The following SGK3 variants were observed in gnomAD, a reference collection of about 807,000 sequenced individuals.
SGK3 encodes serine/threonine-protein kinase Sgk3.
Under a neutral mutation model 68.5 loss-of-function variants are expected in SGK3, and 47 were observed. The ratio of observed to expected loss-of-function variants is 0.69; its 90% CI spans 0.54 to 0.87. The LOEUF is 0.87. Ranked by LOEUF, SGK3 falls within the 40% of genes least tolerant of loss-of-function variation. The probability of loss-of-function intolerance (pLI) is 0.00; values close to 1 mark genes in which losing one functional copy is unlikely to be tolerated. For synonymous variants in SGK3, 181 were observed against 189.1 expected, an observed-to-expected ratio of 0.96 and a Z score of 0.35; for missense variants, 479 against 575.5, an observed-to-expected ratio of 0.83 and a Z score of 1.72.
intron 3 of SGK3, among the ~76,000 whole-genome samples, chr8:66,799,754 T>C (rs1450320489): frequency 6.6e-6 from 1 of 152,182 alleles, no homozygotes; most frequent in Non-Finnish European, 1.5e-5. Flanking sequence ...CTCAAGTAGC[T>C]GGGATTACAG....
intron 6 of SGK3, among the ~76,000 whole-genome samples, chr8:66,824,746 A>G (rs1808982850): frequency 6.6e-6 from 1 of 152,230 alleles, no homozygotes; most frequent in African/African-American, 2.4e-5. Context: ...TATACATTTT[A>G]AATTATTTTT....
At chr8:66,747,264 C>T (rs1005104340) in intron 1 of SGK3, among the ~76,000 whole-genome samples, 2 of 151,998 alleles carry the variant, frequency 1.3e-5, no homozygotes, top group African/African-American at 2.4e-5. Flanking sequence ...ACTTTTATTC[C>T]CTAACCTCAT....
intron 1 of SGK3, among the ~76,000 whole-genome samples, chr8:66,732,347 G>A (rs886376396): frequency 2.0e-5 from 3 of 152,056 alleles, no homozygotes; most frequent in Non-Finnish European, 4.4e-5. Flanking sequence ...GCTTAGCTGG[G>A]CATGCTGGTG....
chr8:66,821,179 CG>C (rs550378844), intron 5 of SGK3, among the ~76,000 whole-genome samples: 23 of 152,010 alleles, frequency 1.5e-4, no homozygotes, highest in Non-Finnish European at 2.6e-4. Flanking sequence ...AATTTTAGTC[CG>C]TTTTTTTCTC....
At chr8:66,844,583 G>A (rs934170087) in intron 14 of SGK3, among the ~76,000 whole-genome samples, 1 of 152,318 alleles carries the variant, frequency 6.6e-6, no homozygotes, top group South Asian at 2.1e-4. Flanking sequence ...TTTTTGACAT[G>A]TTTAGAAATA....
At chr8:66,743,719 A>C (rs916991621) in intron 1 of SGK3, among the ~76,000 whole-genome samples, 1 of 152,152 alleles carries the variant, frequency 6.6e-6, no homozygotes, top group Admixed American at 6.5e-5. Context: ...ACAGGGTTTC[A>C]CCCTATTGGC....
At chr8:66,850,686 A>G (rs1397449277) in intron 15 of SGK3, 145 bp from the exon 16 acceptor site, 1 of 736,620 alleles carries the variant, frequency 1.4e-6, no homozygotes, top group Admixed American at 3.1e-5. Flanking sequence ...GAATAACATC[A>G]TTTTGCCACA....
chr8:66,831,359 T>C (rs764197599), intron 8 of SGK3, 48 bp downstream of exon 8: 1 of 1,606,558 alleles, frequency 6.2e-7, no homozygotes, highest in Admixed American at 1.7e-5. Flanking sequence ...TTTGGTTTTT[T>C]TTTTGGAGAC....
intron 4 of SGK3, among the ~76,000 whole-genome samples, chr8:66,805,303 A>G (rs1478326408): frequency 6.6e-6 from 1 of 151,948 alleles, no homozygotes; most frequent in Non-Finnish European, 1.5e-5. Flanking sequence ...GTGGATCACA[A>G]GGTCAGGAGA....
chr8:66,717,684 G>C (rs1804676949), intron 1 of SGK3, among the ~76,000 whole-genome samples: 1 of 152,026 alleles, frequency 6.6e-6, no homozygotes. Flanking sequence ...TACTATTCTA[G>C]TTCTGTTTTT....
At chr8:66,801,415 A>T (rs956918110) in intron 3 of SGK3, among the ~76,000 whole-genome samples, 1 of 152,212 alleles carries the variant, frequency 6.6e-6, no homozygotes, top group Non-Finnish European at 1.5e-5. Flanking sequence ...GTACATGGAA[A>T]TATCTTTCAT....
chr8:66,796,124 A>G (rs1017557063), intron 2 of SGK3, among the ~76,000 whole-genome samples: 17 of 151,486 alleles, frequency 1.1e-4, no homozygotes, highest in African/African-American at 4.1e-4. Flanking sequence ...CATGTTATCG[A>G]TAATATTTTT....
chr8:66,719,074 C>T lies in SGK3; in HGVS notation c.-122+6241C>T, dbSNP rs1052878178. Among the ~76,000 whole-genome samples, 3 of 151,862 alleles carry T rather than the reference C, an allele frequency of 2.0e-5. No homozygotes were observed. In the East Asian group the frequency reaches 5.8e-4, roughly 29 times the overall value. ...CCTAGGTGACAGATTGAGACCCTAT[C>T]CCCCCCAATAAAAAAGTATGTATGC... is the stretch of plus-strand genomic sequence containing the variant. On this transcript the variant is annotated intron_variant, in intron 1 of 16. Transcript: ENST00000521198.
chr8:66,794,086 A>T (rs1029661973), intron 2 of SGK3, among the ~76,000 whole-genome samples: 2 of 152,212 alleles, frequency 1.3e-5, no homozygotes, highest in African/African-American at 4.8e-5. Flanking sequence ...CTTAACAGAA[A>T]ATGTGCATGT....
chr8:66,737,014 GGGCTCCTCTTGTTTTGGCCTC>G (rs1805337209), intron 1 of SGK3, among the ~76,000 whole-genome samples: 1 of 151,958 alleles, frequency 6.6e-6, no homozygotes, highest in Admixed American at 6.6e-5. Context: ...CTGGGTTCAA[GGGCTCCTCTTGTTTTGGCCTC>G]CCAAAGTATT....
chr8:66,789,563 A>T (rs1461321336), intron 1 of SGK3, among the ~76,000 whole-genome samples: 2 of 152,220 alleles, frequency 1.3e-5, no homozygotes, highest in African/African-American at 4.8e-5. Context: ...TGTGAGATAG[A>T]CTTATTCCCT....
intron 1 of SGK3, among the ~76,000 whole-genome samples, chr8:66,779,577 TATATATATATATATATATATATATAA>T (rs1806878158): frequency 7.5e-6 from 1 of 132,934 alleles, no homozygotes; most frequent in Non-Finnish European, 1.6e-5. Context: ...TATATATATA[TATATATATATATATATATATATATAA>T]AACACATTTT....
At chr8:66,745,741 G>A (rs924415443) in intron 1 of SGK3, among the ~76,000 whole-genome samples, 1 of 152,168 alleles carries the variant, frequency 6.6e-6, no homozygotes, top group Non-Finnish European at 1.5e-5. Context: ...TGGAGGCTGG[G>A]AAGTCCAAGA....
At chr8:66,847,412 T>C (rs1033584812) in intron 15 of SGK3, 64 bp downstream of exon 15, 12 of 1,585,210 alleles carry the variant, frequency 7.6e-6, no homozygotes, top group African/African-American at 1.4e-5. Flanking sequence ...AAATAAAGCT[T>C]TATTTTATAT....
Sources: allele counts gnomAD v4.1 joint callset (sites outside exome capture counted in the v4.1 genomes callset), GRCh38; gene constraint gnomAD v4.1.1; transcripts MANE v1.5; gene names NCBI Gene and HGNC (gene_info 2026-07-23, HGNC 2026-07-21).